The following CPT1C variants were observed in gnomAD, a reference collection of about 807,000 sequenced individuals.
CPT1C encodes palmitoyl thioesterase CPT1C.
Under a neutral mutation model 97.3 loss-of-function variants are expected in CPT1C, and 61 were observed. That is an observed-to-expected ratio of 0.63 (90% CI 0.51 to 0.78). The LOEUF is 0.78. Among genes scored for constraint, CPT1C ranks in the 30% least tolerant of loss-of-function variants. The probability of loss-of-function intolerance (pLI) is 0.00; values close to 1 mark genes in which losing one functional copy is unlikely to be tolerated. For missense variants in CPT1C, 975 were observed against 1,065.5 expected (o/e 0.92, Z 1.18); for synonymous variants, 469 against 447.2 (o/e 1.05, Z -0.61).
intron 16 of CPT1C, 32 bp from the exon 17 acceptor site, chr19:49,711,777 T>C (rs1286009388): frequency 1.3e-6 from 2 of 1,585,440 alleles, no homozygotes; most frequent in African/African-American, 2.7e-5. Context: ...TTCCTGTCTT[T>C]CCATGACCTG....
intron 6 of CPT1C, 32 bp from the exon 7 acceptor site, chr19:49,701,465 G>T (rs763358882): frequency 6.3e-7 from 1 of 1,589,612 alleles, no homozygotes; most frequent in Non-Finnish European, 8.6e-7. Flanking sequence ...GGGGCGGGCC[G>T]GGGGCGTGAC....
At chr19:49,699,148 G>A (rs1194421304) in intron 4 of CPT1C, among the ~76,000 whole-genome samples, 1 of 151,898 alleles carries the variant, frequency 6.6e-6, no homozygotes, top group Non-Finnish European at 1.5e-5. Context: ...TCAGTAGAGT[G>A]CCAGGAGGTC....
chr19:49,693,891 T>C (rs1246883065), intron 3 of CPT1C, among the ~76,000 whole-genome samples: 1 of 152,026 alleles, frequency 6.6e-6, no homozygotes, highest in Admixed American at 6.6e-5. Context: ...ACCCCGTTTC[T>C]ACTAAAAATA....
At chr19:49,701,443 G>A in intron 6 of CPT1C, 25 bp downstream of exon 6, 1 of 1,590,260 alleles carries the variant, frequency 6.3e-7, no homozygotes, top group Non-Finnish European at 8.6e-7. Flanking sequence ...GCGCAGACGG[G>A]CTGGGGCGGC....
rs1262389185 is a variant in CPT1C at position 49,710,763 on chromosome 19, C to G, written c.1772C>G (p.Thr591Ser). 6.2e-7 allele frequency: 1 copy of G among 1,614,058 alleles called. No individual in the cohort carries two copies. The highest frequency in any genetic ancestry group is 1.7e-5 in the Admixed American group (1 of 60,024). The part of the protein sequence containing the change: ...QFCLTYESAM[T>S]RLFLEGRTET... ...TGCCTGACTTATGAGTCGGCCATGACTCGCTTATTCCTGGAAGGCCGGACG... is the reference window on the plus strand; with the variant it reads ...TGCCTGACTTATGAGTCGGCCATGAGTCGCTTATTCCTGGAAGGCCGGACG... Residue 591 changes from threonine to serine, a missense_variant, in exon 16 of 20, where the codon ACT becomes AGT. Physicochemically the swap from Thr to Ser is moderately conservative, Grantham distance 58. Coordinates refer to ENST00000598293, the MANE Select transcript of CPT1C (RefSeq NM_001199753.2).
chr19:49,703,350 C>CTTTT (rs59161524), intron 7 of CPT1C, among the ~76,000 whole-genome samples: 1 of 136,558 alleles, frequency 7.3e-6, no homozygotes, highest in African/African-American at 2.7e-5. Flanking sequence ...TGGCTAATTT[C>CTTTT]TTTTTTTTTT....
rs1255796581 is a variant in CPT1C, at chr19:49,701,535, C to A, written c.594C>A (p.Asp198Glu). 1 of 1,612,450 alleles carries A rather than the reference C, an allele frequency of 6.2e-7. No individual in the cohort carries two copies. Among genetic ancestry groups the A allele is most frequent in the Admixed American group, 1.7e-5 (1 of 59,916 alleles). ...TCCGGCCCATCCTCTCCGACGAGGA[C>A]TTCGACTGGACCGCGGTCCTGGCGC... ...ESVRPILSDE[D>E]FDWTAVLAQE... The change falls in exon 7 of 20, where the codon GAC becomes GAA. Residue 198 changes from aspartate to glutamate, a missense_variant. Physicochemically the swap from Asp to Glu is conservative, Grantham distance 45. Around this residue, in one of 3 missense-constraint regions of CPT1C, gnomAD observed 596 missense variants for 603.1 expected, o/e 0.99. Transcript: ENST00000598293.
Position 49,691,255 on chromosome 19 carries a change from T to G in CPT1C, c.-169T>G. The stretch of plus-strand genomic sequence containing the variant: ...GATTGGACATATGCAAGCGGGAGAT[T>G]TGGGGCCGGCGCTCAAAATCGGGGG... On this transcript the variant is annotated 5_prime_UTR_variant, in exon 1 of 20. It adds an upstream start codon to the 5' untranslated region. Coordinates refer to ENST00000598293, the MANE Select transcript of CPT1C (RefSeq NM_001199753.2). The G allele has an allele frequency of 6.6e-6, 1 of 151,508 alleles. No individual in the cohort carries two copies. The highest frequency in any genetic ancestry group is 6.6e-5 in the Admixed American group (1 of 15,196). 9.4% of individuals were successfully genotyped at this position (151,508 alleles called of 1,614,324 possible).
intron 4 of CPT1C, 30 bp downstream of exon 4, chr19:49,697,495 C>T: frequency 2.5e-6 from 4 of 1,606,690 alleles, no homozygotes; most frequent in Non-Finnish European, 3.4e-6. Flanking sequence ...GCCCAGTAAC[C>T]CCCAATCACT....
At chr19:49,691,421 T>A (rs2082339908) in intron 1 of CPT1C, 81 bp downstream of exon 1, 1 of 151,898 alleles carries the variant, frequency 6.6e-6, no homozygotes, top group Non-Finnish European at 1.5e-5. Flanking sequence ...AGCCTCTCCA[T>A]CACTTGTCCT....
intron 3 of CPT1C, among the ~76,000 whole-genome samples, chr19:49,693,942 G>A (rs2082496673): frequency 6.6e-6 from 1 of 152,048 alleles, no homozygotes; most frequent in Admixed American, 6.6e-5. Context: ...GTGGGTGCCT[G>A]TAGTTCCAAT....
At chr19:49,705,165 G>A (rs370379621) in intron 9 of CPT1C, 49 bp from the exon 10 acceptor site, 9 of 1,612,102 alleles carry the variant, frequency 5.6e-6, no homozygotes, top group Non-Finnish European at 6.8e-6. Flanking sequence ...TGTGGCCTTT[G>A]GGCCACGTGG....
chr19:49,701,005 G>T, intron 5 of CPT1C, 150 bp downstream of exon 5: 1 of 724,980 alleles, frequency 1.4e-6, no homozygotes, highest in Non-Finnish European at 2.1e-6. Flanking sequence ...GTCCTCCTCT[G>T]TCCCTGGGTC....
chr19:49,713,343 C>A, intron 19 of CPT1C, 77 bp from the exon 20 acceptor site: 1 of 1,348,734 alleles, frequency 7.4e-7, no homozygotes, highest in Non-Finnish European at 1.0e-6. Flanking sequence ...GGAATCCAGG[C>A]CCTTAGCCCT....
chr19:49,700,100 AG>A (rs1456346632), intron 4 of CPT1C, among the ~76,000 whole-genome samples: 1 of 150,268 alleles, frequency 6.7e-6, no homozygotes, highest in East Asian at 1.9e-4. Flanking sequence ...AACAACAAAT[AG>A]CCGGGCGTGG....
rs760252386 is a variant in CPT1C, at chr19:49,692,401, G to A, written c.141+8G>A. On this transcript the variant is annotated splice_region_variant and intron_variant, in intron 3 of 19. Coordinates refer to ENST00000598293, the MANE Select transcript of CPT1C (RefSeq NM_001199753.2). Reference sequence around the variant, plus strand: ...CATCTCTCACGTTTCTGGGTGAGGAGCGGTGCTGGTCGGTTTCCTTCCGGG... The same window carrying A: ...CATCTCTCACGTTTCTGGGTGAGGAACGGTGCTGGTCGGTTTCCTTCCGGG... 1.2e-6 allele frequency: 2 copies of A among 1,614,112 alleles called. No individual in the cohort carries two copies. The highest frequency in any genetic ancestry group is 2.2e-5 in the South Asian group (2 of 91,074).
At position 49,692,662 on chromosome 19, in the gene CPT1C, T is replaced by A. The variant is rs1167560843; in HGVS notation, c.141+269T>A. On this transcript the variant is annotated intron_variant, in intron 3 of 19. Coordinates refer to ENST00000598293, the MANE Select transcript of CPT1C (RefSeq NM_001199753.2). ...CCCCCAAAAACTACCCACTTCCAGT[T>A]TCTAGAACTCCATATCCTTCCCTTA... Among the ~76,000 whole-genome samples the A allele has an allele frequency of 2.6e-5, 4 of 152,186 alleles. No homozygotes were observed. The East Asian group carries it at 7.7e-4, about 29-fold the overall frequency.
At chr19:49,700,143 A>G (rs1243262790) in intron 4 of CPT1C, among the ~76,000 whole-genome samples, 2 of 151,090 alleles carry the variant, frequency 1.3e-5, no homozygotes, top group African/African-American at 4.9e-5. Flanking sequence ...GCTACTCCGG[A>G]GGCTGAGGCA....
At position 49,700,820 on chromosome 19, in the gene CPT1C, C is replaced by A; in HGVS notation, c.418C>A (p.His140Asn). The A allele has an allele frequency of 4.3e-6, 7 of 1,613,208 alleles. No homozygotes were observed. Among genetic ancestry groups the A allele is most frequent in the Non-Finnish European group, 5.9e-6 (7 of 1,180,024 alleles). ...CTACCACGGCTGGCTTCTTGAGCCC[C>A]ACGGAGCCATGTCCTCCCCCACCAA... ...LSYHGWLLEPHGAMSSPTKTW... is the reference protein window; with the variant it reads ...LSYHGWLLEPNGAMSSPTKTW... The change falls in exon 5 of 20, where the codon CAC becomes AAC. Residue 140 changes from histidine (H) to asparagine (N), a missense_variant. By Grantham distance (68) the His-to-Asn change is moderately conservative. Coordinates refer to ENST00000598293, the MANE Select transcript of CPT1C (RefSeq NM_001199753.2).
Sources: allele counts gnomAD v4.1 joint callset (sites outside exome capture counted in the v4.1 genomes callset), GRCh38; gene constraint gnomAD v4.1.1; regional missense constraint gnomAD v4.1.1; transcripts MANE v1.5; gene names NCBI Gene and HGNC (gene_info 2026-07-23, HGNC 2026-07-21).